STYK1: variants seen among roughly 807,000 people sequenced by gnomAD.
STYK1 encodes the protein tyrosine-protein kinase STYK1.
In STYK1, 46 loss-of-function variants were observed where a neutral mutation model predicts 48.1. The observed-to-expected ratio is 0.96, with a 90% CI of 0.75 to 1.22. The LOEUF is 1.22. Ranked by LOEUF, STYK1 falls within the 50% of genes most tolerant of loss-of-function variation. The pLI is 0.00. For synonymous variants in STYK1, 188 were observed against 189.0 expected (o/e 0.99, Z 0.04); for missense variants, 527 against 521.1 (o/e 1.01, Z -0.11).
intron 1 of STYK1, among the ~76,000 whole-genome samples, chr12:10,646,735 G>T (rs1024442518): frequency 5.9e-5 from 9 of 152,186 alleles, no homozygotes; most frequent in Non-Finnish European, 1.3e-4. Flanking sequence ...CAGGCCCAGA[G>T]GTTTAGGAGG....
chr12:10,673,637 T>TGATGGCCCCCTCTCCA (rs1947912458), intron 1 of STYK1: 4 of 152,228 alleles, frequency 2.6e-5, no homozygotes, highest in South Asian at 4.2e-4. Flanking sequence ...CCCCCTCTCC[T>TGATGGCCCCCTCTCCA]GATGGCCCCC....
In STYK1 at chr12:10,629,102, C is replaced by T. The variant is rs1947391130; in HGVS notation, c.633+391G>A. Among the ~76,000 whole-genome samples the T allele has an allele frequency of 1.3e-5, 2 of 152,194 alleles. 1 individual carries two copies. The highest frequency in any genetic ancestry group is 4.1e-4 in the South Asian group (2 of 4,834). The stretch of plus-strand genomic sequence containing the variant: ...AGAAAACTCAGGATCAGAAAGGTGA[C>T]TTGCTCACAGTCACATAACTAGTAG... On this transcript the variant is annotated intron_variant, in intron 6 of 10. Coordinates refer to ENST00000075503, the MANE Select transcript of STYK1 (RefSeq NM_018423.3).
chr12:10,639,500 C>T (rs1163609882), intron 1 of STYK1, among the ~76,000 whole-genome samples: 1 of 152,068 alleles, frequency 6.6e-6, no homozygotes. Context: ...CTGCAACCTC[C>T]GTCTCCCAGG....
chr12:10,621,962 C>G lies in STYK1; in HGVS notation c.978G>C (p.Pro326=), dbSNP rs748376514. 1 of 1,613,392 alleles carries G rather than the reference C, an allele frequency of 6.2e-7. No homozygotes were observed. ...LYEMVTLGAP[P]YPEVPPTSIL... Reference sequence around the variant, plus strand: ...TGCTGGTAGGAGGGACTTCAGGATACGGTGGTGCTCCTGTCATTACGAAAA... The same window carrying G: ...TGCTGGTAGGAGGGACTTCAGGATAGGGTGGTGCTCCTGTCATTACGAAAA... The change falls in exon 10 of 11, where the codon CCG becomes CCC. Residue 326 remains proline (P), a synonymous_variant. Transcript: ENST00000075503.
At chr12:10,638,421 T>A (rs1947509189) in intron 1 of STYK1, among the ~76,000 whole-genome samples, 1 of 152,154 alleles carries the variant, frequency 6.6e-6, no homozygotes, top group Non-Finnish European at 1.5e-5. Context: ...GGGAGGAGAA[T>A]GAAAGTGAAA....
rs1463710301 is a variant in STYK1 at position 10,631,033 on chromosome 12, T to C, written c.451+12A>G. 1 of 1,611,408 alleles carries C rather than the reference T, an allele frequency of 6.2e-7. No homozygotes were observed. The highest frequency in any genetic ancestry group is 8.5e-7 in the Non-Finnish European group (1 of 1,178,316). On this transcript the variant is annotated intron_variant, in intron 5 of 10. Transcript: ENST00000075503. The stretch of plus-strand genomic sequence containing the variant: ...GTTAGGGGAAGGGGGAGTCAAACAC[T>C]TCTTGTTTTACCTTTTAAAGCCTTG...
intron 9 of STYK1, 109 bp from the exon 10 acceptor site, chr12:10,622,081 G>A (rs1865917006): frequency 1.2e-6 from 1 of 851,322 alleles, no homozygotes; most frequent in Non-Finnish European, 1.9e-6. Context: ...TATAGCCATA[G>A]GAAAAATACT....
Position 10,631,146 on chromosome 12 carries a change from A to T in STYK1, c.350T>A (p.Leu117Gln), listed in dbSNP as rs377592277. The change falls in exon 5 of 11, where the codon CTG becomes CAG. Residue 117 changes from leucine to glutamine, a missense_variant. Coordinates refer to ENST00000075503, the MANE Select transcript of STYK1 (RefSeq NM_018423.3). ...QVPREQLSEV[L>Q]EQICSGSCGP... ...ACAGCTACCACTGCAAATCTGCTCC[A>T]GAACTTCAGAGAGTTGCTCCCGCGG... 34 of 1,614,222 alleles carry T rather than the reference A, an allele frequency of 2.1e-5. 1 individual carries two copies. The highest frequency in any genetic ancestry group is 2.7e-5 in the Non-Finnish European group (32 of 1,180,028).
chr12:10,645,983 A>G (rs929896082), intron 1 of STYK1, among the ~76,000 whole-genome samples: 1 of 152,176 alleles, frequency 6.6e-6, no homozygotes, highest in Admixed American at 6.5e-5. Context: ...GCCTTCCACC[A>G]TGATTGGGAG....
intron 1 of STYK1, among the ~76,000 whole-genome samples, chr12:10,668,534 C>A (rs1367473990): frequency 7.1e-6 from 1 of 141,242 alleles, no homozygotes; most frequent in African/African-American, 2.7e-5. Flanking sequence ...TGTCACCACA[C>A]CTGGCTTTTT....
At chr12:10,636,359 C>A (rs555993204) in intron 2 of STYK1, among the ~76,000 whole-genome samples, 1 of 152,162 alleles carries the variant, frequency 6.6e-6, no homozygotes, top group African/African-American at 2.4e-5. Context: ...AAGTAGCCAG[C>A]GGGCGGAAAA....
In STYK1 at chr12:10,668,712, C is replaced by T. The variant is rs555265990; in HGVS notation, c.-195+5254G>A. On this transcript the variant is annotated intron_variant, in intron 1 of 10. Coordinates refer to ENST00000075503, the MANE Select transcript of STYK1 (RefSeq NM_018423.3). ...ACCCAGCCGTAATTAGCTTCTTTAC[C>T]TTTGTGCACATTCGTTCCCTTCTAC... is the stretch of plus-strand genomic sequence containing the variant. Among the ~76,000 whole-genome samples, 13 of 152,046 alleles carry T rather than the reference C, an allele frequency of 8.6e-5. No homozygotes were observed. In the South Asian group the frequency reaches 2.7e-3, roughly 32 times the overall value.
At chr12:10,627,948 A>G (rs1947378088) in intron 6 of STYK1, among the ~76,000 whole-genome samples, 1 of 152,272 alleles carries the variant, frequency 6.6e-6, no homozygotes, top group Non-Finnish European at 1.5e-5. Flanking sequence ...ATAGCAGGTA[A>G]GACAAGTATA....
At chr12:10,653,148 C>T (rs1022475440) in intron 1 of STYK1, among the ~76,000 whole-genome samples, 1 of 151,948 alleles carries the variant, frequency 6.6e-6, no homozygotes, top group Non-Finnish European at 1.5e-5. Flanking sequence ...TATCGGCTTA[C>T]TGCAAGCTCC....
chr12:10,622,007 C>T, intron 9 of STYK1, 35 bp from the exon 10 acceptor site: 2 of 1,578,162 alleles, frequency 1.3e-6, no homozygotes, highest in East Asian at 2.2e-5. Flanking sequence ...CTTTAAGGTC[C>T]TCTAAAATAT....
At chr12:10,634,508 G>T in intron 3 of STYK1, 59 bp downstream of exon 3, 1 of 1,540,412 alleles carries the variant, frequency 6.5e-7, no homozygotes, top group Non-Finnish European at 9.0e-7. Flanking sequence ...AATCTACCGA[G>T]ACCTTAGCCT....
intron 1 of STYK1, among the ~76,000 whole-genome samples, chr12:10,655,857 T>G (rs1187497242): frequency 2.6e-5 from 4 of 152,214 alleles, no homozygotes; most frequent in Non-Finnish European, 5.9e-5. Flanking sequence ...AAAGTCAGCT[T>G]TAATTAAAAG....
intron 1 of STYK1, among the ~76,000 whole-genome samples, chr12:10,646,564 C>G (rs1454454417): frequency 1.3e-5 from 2 of 152,284 alleles, no homozygotes; most frequent in South Asian, 4.1e-4. Flanking sequence ...AATTTGCAGC[C>G]TGACAATGTG....
At chr12:10,627,588 C>T in intron 7 of STYK1, 53 bp downstream of exon 7, 2 of 1,502,292 alleles carry the variant, frequency 1.3e-6, no homozygotes, top group Non-Finnish European at 1.8e-6. Flanking sequence ...GCATCAAAAA[C>T]AAGGCTAACA....
Sources: allele counts gnomAD v4.1 joint callset (sites outside exome capture counted in the v4.1 genomes callset), GRCh38; gene constraint gnomAD v4.1.1; transcripts MANE v1.5; gene names NCBI Gene and HGNC (gene_info 2026-07-23, HGNC 2026-07-21).